Variants in MFSD11 observed in about 807,000 individuals in gnomAD.
MFSD11 encodes UNC93-like protein MFSD11.
MFSD11 carries 36 observed loss-of-function variants against 53.5 expected under a neutral mutation model. The observed-to-expected ratio is 0.67, with a 90% CI of 0.52 to 0.89. The LOEUF is 0.89. MFSD11 is among the 40% of genes least tolerant of loss of function. MFSD11 has a pLI of 0.00. For synonymous variants in MFSD11, 186 were observed against 184.9 expected (o/e 1.01, Z -0.05); for missense variants, 530 against 543.9 (o/e 0.97, Z 0.25).
rs1478074726 is a variant in MFSD11, at chr17:76,747,809, G to C, written c.641+3343G>C. ...TAAGGAACTGCCAAGTTGGGGAGGT[G>C]GATGAGGGGTTCTGTAACTGTGAGC... On this transcript the variant is annotated intron_variant, in intron 7 of 12. Coordinates refer to ENST00000685175, the MANE Select transcript of MFSD11 (RefSeq NM_001242532.5). 6 of 152,194 alleles carry C rather than the reference G, an allele frequency of 3.9e-5. No individual in the cohort carries two copies. The East Asian group carries it at 9.6e-4, about 24-fold the overall frequency. 9.4% of individuals were successfully genotyped at this position (152,194 alleles called of 1,614,324 possible). A position where few individuals can be genotyped will look rare whatever the true frequency, so the allele number is the denominator to read the frequency against.
intron 7 of MFSD11, chr17:76,752,970 C>G (rs2079191517): frequency 6.6e-6 from 1 of 151,760 alleles, no homozygotes; most frequent in Non-Finnish European, 1.5e-5. Context: ...TAGCATGGCC[C>G]CTGCGCAAGG....
chr17:76,754,817 C>CT (rs1432552205), intron 8 of MFSD11, among the ~76,000 whole-genome samples: 5 of 151,954 alleles, frequency 3.3e-5, no homozygotes, highest in African/African-American at 1.2e-4. Context: ...CTGCTGAATT[C>CT]TTTGTTTTTT....
chr17:76,737,628 C>T (rs1176425327), upstream of MFSD11: 2 of 206,808 alleles, frequency 9.7e-6, no homozygotes, highest in Non-Finnish European at 2.0e-5. Context: ...AGGAGGTGCT[C>T]CCCATCTGGG....
chr17:76,800,738 G>A, the MFSD11 span, among the ~76,000 whole-genome samples: 1 of 152,226 alleles, frequency 6.6e-6, no homozygotes, highest in South Asian at 2.1e-4. Flanking sequence ...CTATGTTTCA[G>A]TGTAGAGGGT....
In MFSD11 at chr17:76,738,334, C is replaced by G. The variant is rs756208327; in HGVS notation, c.-19C>G. On this transcript the variant is annotated 5_prime_UTR_variant, in exon 1 of 13. Coordinates refer to ENST00000685175, the MANE Select transcript of MFSD11 (RefSeq NM_001242532.5). ...AGCTGACTGCCCTGGGCTGCTGCCT[C>G]CGGCAGAGCTGAGCCAAAATGTCCC... The G allele has an allele frequency of 6.3e-7, 1 of 1,592,804 alleles. No homozygotes were observed. Among genetic ancestry groups the G allele is most frequent in the Non-Finnish European group, 8.6e-7 (1 of 1,160,856 alleles).
chr17:76,793,228 A>T, the MFSD11 span, among the ~76,000 whole-genome samples: 1 of 151,394 alleles, frequency 6.6e-6, no homozygotes, highest in Non-Finnish European at 1.5e-5. Flanking sequence ...TGGGAGCACT[A>T]TGGGAGACTG....
Position 76,776,583 on chromosome 17 carries a change from T to C in MFSD11, c.1185+42T>C. On this transcript the variant is annotated intron_variant, in intron 12 of 12. Coordinates refer to ENST00000685175, the MANE Select transcript of MFSD11 (RefSeq NM_001242532.5). The surrounding 1 kb of genome is among the most constrained non-coding windows in gnomAD (Gnocchi z 4.2). Reference sequence around the variant, plus strand: ...GTGATTGTGTTTGACATAGGGCTCTTCCCTTTGTGTATTGCCTTGTTTTCC... The same window carrying C: ...GTGATTGTGTTTGACATAGGGCTCTCCCCTTTGTGTATTGCCTTGTTTTCC... The C allele has an allele frequency of 6.3e-7, 1 of 1,578,084 alleles. No homozygotes were observed. The highest frequency in any genetic ancestry group is 8.6e-7 in the Non-Finnish European group (1 of 1,162,346).
chr17:76,785,776 T>A (rs2082266742), downstream of MFSD11, among the ~76,000 whole-genome samples: 1 of 152,102 alleles, frequency 6.6e-6, no homozygotes, highest in African/African-American at 2.4e-5. Flanking sequence ...GTAAATTTTA[T>A]GAGTATTTTT....
At chr17:76,762,656 C>CAAA (rs35436399) in intron 8 of MFSD11, among the ~76,000 whole-genome samples, 3 of 76,142 alleles carry the variant, frequency 3.9e-5, no homozygotes, top group Admixed American at 1.4e-4. Context: ...ACTCCGTCTC[C>CAAA]AAAAAAAAAA....
chr17:76,803,319 CGAACTAACTTTGGAAG>C, the MFSD11 span, among the ~76,000 whole-genome samples: 1 of 152,150 alleles, frequency 6.6e-6, no homozygotes, highest in Non-Finnish European at 1.5e-5. Context: ...GGGCACAGAC[CGAACTAACTTTGGAAG>C]GAACTTGGTT....
At chr17:76,777,091 C>G (rs1334762999) in intron 12 of MFSD11, among the ~76,000 whole-genome samples, 3 of 152,020 alleles carry the variant, frequency 2.0e-5, no homozygotes, top group African/African-American at 7.2e-5. Context: ...CACGGTGAAA[C>G]CCTGTCTCTA....
Position 76,776,282 on chromosome 17 carries a change from C to A in MFSD11, c.1050-124C>A, listed in dbSNP as rs933260320. The A allele has an allele frequency of 7.7e-6, 8 of 1,041,428 alleles. No homozygotes were observed. The African/African-American group carries it at 1.1e-4, about 15-fold the overall frequency. 64.5% of individuals were successfully genotyped at this position (1,041,428 alleles called of 1,614,324 possible). The stretch of plus-strand genomic sequence containing the variant: ...GTGTGAGCCACCGCACCAGCTTTGT[C>A]TTTATTTTTGTTTCATAGTGTTTAC... On this transcript the variant is annotated intron_variant, in intron 11 of 12. Transcript: ENST00000685175. The surrounding 1 kb of genome is among the most constrained non-coding windows in gnomAD (Gnocchi z 4.2).
downstream of MFSD11, chr17:76,781,281 GC>G (rs2082157615): frequency 1.3e-5 from 2 of 152,208 alleles, no homozygotes; most frequent in African/African-American, 4.8e-5. Context: ...CCTTCATCAT[GC>G]TACGGAGTAG....
chr17:76,772,810 C>G (rs1683362558), intron 10 of MFSD11, among the ~76,000 whole-genome samples: 2 of 152,314 alleles, frequency 1.3e-5, no homozygotes, highest in African/African-American at 4.8e-5. Flanking sequence ...GCCACTGCAC[C>G]TGGCCCTCCT....
chr17:76,795,839 A>AT, the MFSD11 span, among the ~76,000 whole-genome samples: 12 of 98,838 alleles, frequency 1.2e-4, no homozygotes, highest in South Asian at 3.0e-4. Context: ...TTTTTTTTGT[A>AT]TTTTTTTAGT....
chr17:76,753,645 A>G, intron 7 of MFSD11, among the ~76,000 whole-genome samples: 1 of 148,836 alleles, frequency 6.7e-6, no homozygotes, highest in East Asian at 2.0e-4. Flanking sequence ...CTGAGATTGC[A>G]TCACAGCACT....
chr17:76,749,085 C>T (rs532888977), intron 7 of MFSD11, among the ~76,000 whole-genome samples: 3 of 152,276 alleles, frequency 2.0e-5, no homozygotes, highest in South Asian at 4.1e-4. Flanking sequence ...AACTCATATA[C>T]TATATAATTC....
At chr17:76,790,684 G>A in the MFSD11 span, among the ~76,000 whole-genome samples, 8 of 147,268 alleles carry the variant, frequency 5.4e-5, no homozygotes, top group African/African-American at 1.3e-4. Flanking sequence ...TCGGCCGGGC[G>A]TGGTGGCTCA....
the MFSD11 span, among the ~76,000 whole-genome samples, chr17:76,787,361 T>G: frequency 6.7e-6 from 1 of 149,800 alleles, no homozygotes; most frequent in African/African-American, 2.5e-5. Context: ...GGTCTTGAAC[T>G]CCTGACCTCA....
Sources: allele counts gnomAD v4.1 joint callset (sites outside exome capture counted in the v4.1 genomes callset), GRCh38; gene constraint gnomAD v4.1.1; non-coding constraint Gnocchi (gnomAD v3.1); transcripts MANE v1.5; gene names NCBI Gene and HGNC (gene_info 2026-07-23, HGNC 2026-07-21).